The following UBE3C variants were observed in gnomAD, a reference collection of about 807,000 sequenced individuals.
UBE3C encodes ubiquitin protein ligase E3C, also known as ubiquitin-protein ligase E3C.
UBE3C carries 42 observed loss-of-function variants against 129.4 expected under a neutral mutation model. The observed-to-expected ratio is 0.32, with a 90% CI of 0.25 to 0.42. The LOEUF (loss-of-function observed/expected upper bound fraction) is 0.42, where lower values mean the gene tolerates loss of function less well. UBE3C is among the 10% of genes least tolerant of loss of function. UBE3C has a pLI of 1.00. For missense variants in UBE3C, 1,049 were observed against 1,319.1 expected, an observed-to-expected ratio of 0.80 and a Z score of 3.17; for synonymous variants, 510 against 492.4, an observed-to-expected ratio of 1.04 and a Z score of -0.47.
rs77471740 is a variant in UBE3C at position 157,171,686 on chromosome 7, ATTTTTTTTTTTTTTT to A, written c.342+1260_342+1274del. On this transcript the variant is annotated intron_variant, in intron 4 of 22. Transcript: ENST00000348165. ...TATATATATATATATATATATATAT[ATTTTTTTTTTTTTTT>A]TTTTTTTTTTTTTTTTTTTTTTTGA... is the stretch of plus-strand genomic sequence containing the variant. Among the ~76,000 whole-genome samples the A allele has an allele frequency of 4.4e-3, 164 of 37,562 alleles. 6 individuals are homozygous for A. The highest frequency in any genetic ancestry group is 0.011 in the South Asian group (11 of 984). 24.6% of individuals were successfully genotyped at this position (37,562 alleles called of 152,430 possible). A position where few individuals can be genotyped will look rare whatever the true frequency, so the allele number is the denominator to read the frequency against.
intron 19 of UBE3C, among the ~76,000 whole-genome samples, chr7:157,252,173 G>C (rs1796636216): frequency 6.6e-6 from 1 of 151,986 alleles, no homozygotes; most frequent in African/African-American, 2.4e-5. Flanking sequence ...AGTTTTCTCT[G>C]ATCAGGCAAG....
chr7:157,146,125 GT>G (rs1325702394), intron 1 of UBE3C, among the ~76,000 whole-genome samples: 2 of 152,010 alleles, frequency 1.3e-5, no homozygotes, highest in Non-Finnish European at 2.9e-5. Context: ...AATTTTTGAA[GT>G]TTTTTTGTTT....
rs1796541333 is a variant in UBE3C, at chr7:157,248,659, T to TA, written c.2694+80dup. 5 of 1,482,088 alleles carry TA rather than the reference T, an allele frequency of 3.4e-6. No individual in the cohort carries two copies. In the South Asian group the frequency reaches 4.8e-5, roughly 14 times the overall value. The allele number at this position is 1,482,088 out of a possible 1,614,324, so 91.8% of individuals were successfully genotyped here. A position where few individuals can be genotyped will look rare whatever the true frequency, so the allele number is the denominator to read the frequency against. On this transcript the variant is annotated intron_variant, in intron 19 of 22. Coordinates refer to ENST00000348165, the MANE Select transcript of UBE3C (RefSeq NM_014671.3). ...CTTGTGTGTGGAAGTCCATTTGTGT[T>TA]ACAGCGTTTGACTTCCGCACATTTT...
At chr7:157,260,887 G>C (rs370521863) in intron 22 of UBE3C, among the ~76,000 whole-genome samples, 41 of 152,326 alleles carry the variant, frequency 2.7e-4, no homozygotes, top group Admixed American at 7.8e-4. Context: ...CGTGTGCCTA[G>C]GAGTGCGAGA....
intron 8 of UBE3C, 35 bp downstream of exon 8, chr7:157,182,363 CAT>C: frequency 6.3e-7 from 1 of 1,598,408 alleles, no homozygotes; most frequent in East Asian, 2.2e-5. Context: ...CCTGAACACA[CAT>C]ATGGGTAGCA....
intron 19 of UBE3C, among the ~76,000 whole-genome samples, chr7:157,251,050 T>C (rs981706368): frequency 2.6e-5 from 4 of 152,194 alleles, no homozygotes; most frequent in South Asian, 4.1e-4. Flanking sequence ...TAAAAAATTA[T>C]AGATAATGTA....
At position 157,186,677 on chromosome 7, in the gene UBE3C, G is replaced by A. The variant is rs150128124; in HGVS notation, c.1144-157G>A. On this transcript the variant is annotated intron_variant, in intron 9 of 22. Transcript: ENST00000348165. ...ATGCCTACTGTTGACTGGATCCCTA[G>A]AGGATTTCACACTAAGTGTACTGTG... Among the ~76,000 whole-genome samples, 409 of 152,274 alleles carry A rather than the reference G, an allele frequency of 2.7e-3. 4 individuals carry two copies. Among genetic ancestry groups the A allele is most frequent in the African/African-American group, 9.6e-3 (400 of 41,560 alleles).
chr7:157,265,511 A>G (rs1458533064), intron 22 of UBE3C, among the ~76,000 whole-genome samples: 4 of 152,218 alleles, frequency 2.6e-5, no homozygotes, highest in Non-Finnish European at 5.9e-5. Context: ...CATTTGCACA[A>G]CTGTGAAAAC....
chr7:157,260,944 G>T (rs937431946), intron 22 of UBE3C, among the ~76,000 whole-genome samples: 1 of 152,178 alleles, frequency 6.6e-6, no homozygotes, highest in Non-Finnish European at 1.5e-5. Context: ...ATGGCCACTT[G>T]TGCTGCGTGA....
At position 157,174,926 on chromosome 7, in the gene UBE3C, T is replaced by A; in HGVS notation, c.350T>A (p.Leu117Gln). ...TATGTTTTGCTGTTTCAGATATGGCTGTATCAGAACTTAATTAAACACAGC... is the reference window on the plus strand; with the variant it reads ...TATGTTTTGCTGTTTCAGATATGGCAGTATCAGAACTTAATTAAACACAGC... ...QNEDSKRLIWLYQNLIKHSSL... is the reference protein window; with the variant it reads ...QNEDSKRLIWQYQNLIKHSSL... The change falls in exon 5 of 23, where the codon CTG becomes CAG. Residue 117 changes from leucine (L) to glutamine (Q), a missense_variant. Around this residue, in one of 4 missense-constraint regions of UBE3C, gnomAD observed 489 missense variants for 513.8 expected, o/e 0.95. Coordinates refer to ENST00000348165, the MANE Select transcript of UBE3C (RefSeq NM_014671.3). The A allele has an allele frequency of 6.2e-7, 1 of 1,607,312 alleles. No homozygotes were observed. Among genetic ancestry groups the A allele is most frequent in the Non-Finnish European group, 8.5e-7 (1 of 1,177,018 alleles).
chr7:157,140,439 T>A (rs1807411600), intron 1 of UBE3C, among the ~76,000 whole-genome samples: 1 of 152,206 alleles, frequency 6.6e-6, no homozygotes, highest in African/African-American at 2.4e-5. Flanking sequence ...GGTGATTGCT[T>A]GGAAGTCACT....
chr7:157,182,260 G>A lies in UBE3C; in HGVS notation c.923G>A (p.Cys308Tyr), dbSNP rs893377489. ...GCACTGTTGTTAATAGAGAGTAGAT[G>A]TTCAAGAAAGAGTGGTGGAGCACCC... ...LNALLLIESR[C>Y]SRKSGGAPWL... The change falls in exon 8 of 23, where the codon TGT becomes TAT. Residue 308 changes from cysteine to tyrosine, a missense_variant. Cys to Tyr is a radical substitution (Grantham distance 194, BLOSUM62 -2). Around this residue, in one of 4 missense-constraint regions of UBE3C, gnomAD observed 489 missense variants for 513.8 expected, o/e 0.95. Coordinates refer to ENST00000348165, the MANE Select transcript of UBE3C (RefSeq NM_014671.3). 19 of 1,614,218 alleles carry A rather than the reference G, an allele frequency of 1.2e-5. No individual in the cohort carries two copies. The highest frequency in any genetic ancestry group is 1.6e-5 in the Non-Finnish European group (19 of 1,180,040).
At chr7:157,161,290 T>C (rs1222775427) in intron 1 of UBE3C, among the ~76,000 whole-genome samples, 1 of 152,176 alleles carries the variant, frequency 6.6e-6, no homozygotes, top group Non-Finnish European at 1.5e-5. Context: ...CTAAAATTAG[T>C]TTCTAAAAGT....
intron 5 of UBE3C, among the ~76,000 whole-genome samples, chr7:157,175,645 C>T (rs117368491): frequency 0.019 from 2,884 of 152,158 alleles, 44 homozygotes; most frequent in Non-Finnish European, 0.029. Flanking sequence ...TTTCTGGACA[C>T]TGTCTGTAAT....
intron 13 of UBE3C, among the ~76,000 whole-genome samples, chr7:157,213,726 TTC>T (rs1809658768): frequency 6.6e-6 from 1 of 152,228 alleles, no homozygotes. Context: ...GGGAAAAATG[TTC>T]TCAGTTGAAT....
At chr7:157,206,888 G>A (rs1809449493) in intron 11 of UBE3C, among the ~76,000 whole-genome samples, 1 of 152,242 alleles carries the variant, frequency 6.6e-6, no homozygotes, top group Non-Finnish European at 1.5e-5. Flanking sequence ...GGCCACCATA[G>A]AGAACTGGAA....
At chr7:157,190,035 A>G (rs1206464888) in intron 10 of UBE3C, among the ~76,000 whole-genome samples, 1 of 152,208 alleles carries the variant, frequency 6.6e-6, no homozygotes, top group Admixed American at 6.5e-5. Context: ...TCCTGACCTC[A>G]GGTGATCTCC....
intron 10 of UBE3C, chr7:157,197,568 T>A: frequency 7.0e-7 from 1 of 1,437,686 alleles, no homozygotes; most frequent in South Asian, 1.2e-5. Context: ...CATCATCTGT[T>A]CCCACATGGT....
Position 157,261,306 on chromosome 7 carries a change from G to GGAAAAAAAAAAAAAAAAAAAAA in UBE3C, c.3081+4262_3081+4263insGAAAAAAAAAAAAAAAAAAAAA, listed in dbSNP as rs1563079209. ...GGGCAACAAGAGCAAAACTCTGTCT[G>GGAAAAAAAAAAAAAAAAAAAAA]AAAAAAAAAAAAAAAAAAAAAAAAA... On this transcript the variant is annotated intron_variant, in intron 22 of 22. Transcript: ENST00000348165. 2.6e-5 allele frequency among the ~76,000 whole-genome samples: 2 copies of GGAAAAAAAAAAAAAAAAAAAAA among 78,022 alleles called. 1 individual carries two copies. Among genetic ancestry groups the GGAAAAAAAAAAAAAAAAAAAAA allele is most frequent in the Non-Finnish European group, 4.6e-5 (2 of 43,188 alleles). 51.2% of individuals were successfully genotyped at this position (78,022 alleles called of 152,430 possible). A position where few individuals can be genotyped will look rare whatever the true frequency, so the allele number is the denominator to read the frequency against.
Sources: gnomAD v4.1 joint callset for allele counts (sites outside exome capture counted in the v4.1 genomes callset) on GRCh38, gnomAD v4.1.1 for gene constraint, gnomAD v4.1.1 regional missense constraint, MANE v1.5 for transcripts, NCBI Gene and HGNC (gene_info 2026-07-23, HGNC 2026-07-21) for gene names.